LUC7L3: variants seen among roughly 807,000 people sequenced by gnomAD.
LUC7L3 encodes luc7-like protein 3.
LUC7L3 carries 6 observed loss-of-function variants against 66.8 expected under a neutral mutation model. The ratio of observed to expected loss-of-function variants is 0.09; its 90% CI spans 0.05 to 0.18. The LOEUF (loss-of-function observed/expected upper bound fraction) is 0.18, where lower values mean the gene tolerates loss of function less well. Ranked by LOEUF, LUC7L3 falls within the 10% of genes least tolerant of loss-of-function variation. The pLI is 1.00. For missense variants in LUC7L3, 341 were observed against 531.1 expected (o/e 0.64, Z 3.52); for synonymous variants, 160 against 174.7 (o/e 0.92, Z 0.66).
chr17:50,732,660 G>A (rs1969691605), intron 1 of LUC7L3, among the ~76,000 whole-genome samples: 1 of 151,774 alleles, frequency 6.6e-6, no homozygotes, highest in Non-Finnish European at 1.5e-5. Flanking sequence ...GGGATTACAG[G>A]CATAAGCCAC....
intron 5 of LUC7L3, among the ~76,000 whole-genome samples, chr17:50,742,274 G>C (rs1970396164): frequency 6.6e-6 from 1 of 152,032 alleles, no homozygotes; most frequent in Admixed American, 6.6e-5. Flanking sequence ...CTGGAACTGG[G>C]GTATAATATT....
chr17:50,721,610 T>C (rs1403918137), intron 1 of LUC7L3, among the ~76,000 whole-genome samples: 3 of 152,140 alleles, frequency 2.0e-5, no homozygotes, highest in Admixed American at 6.5e-5. Flanking sequence ...GCAGGGAAAA[T>C]GTTGGTAGTG....
intron 1 of LUC7L3, among the ~76,000 whole-genome samples, chr17:50,731,721 C>G (rs1969615955): frequency 6.6e-6 from 1 of 152,088 alleles, no homozygotes; most frequent in African/African-American, 2.4e-5. Flanking sequence ...GGAATCTAGT[C>G]TGGATTCTGT....
intron 2 of LUC7L3, among the ~76,000 whole-genome samples, chr17:50,739,944 T>G (rs1049754656): frequency 6.6e-6 from 1 of 152,194 alleles, no homozygotes; most frequent in Non-Finnish European, 1.5e-5. Context: ...TATACAGATT[T>G]GAAAATAATA....
intron 1 of LUC7L3, among the ~76,000 whole-genome samples, chr17:50,731,433 G>C (rs1969599056): frequency 6.6e-6 from 1 of 152,186 alleles, no homozygotes; most frequent in African/African-American, 2.4e-5. Context: ...CTCCCAAAGT[G>C]CTGGGATTAC....
At chr17:50,721,989 G>T (rs1332506128) in intron 1 of LUC7L3, 5 of 151,690 alleles carry the variant, frequency 3.3e-5, no homozygotes, top group Admixed American at 6.6e-5. Flanking sequence ...CGTGGCATCT[G>T]TAAGTATTTA....
chr17:50,737,320 T>G (rs1176389999), intron 2 of LUC7L3: 2 of 508,936 alleles, frequency 3.9e-6, no homozygotes, highest in African/African-American at 3.8e-5. Flanking sequence ...ATTAGAGATG[T>G]CAGCAAATTT....
chr17:50,741,497 A>C (rs1368394652), intron 4 of LUC7L3, among the ~76,000 whole-genome samples, 160 bp from the exon 5 acceptor site: 2 of 152,184 alleles, frequency 1.3e-5, no homozygotes, highest in Admixed American at 6.5e-5. Context: ...AGTAACTGAC[A>C]ATATGTGATT....
At chr17:50,730,123 G>A (rs1969490096) in intron 1 of LUC7L3, among the ~76,000 whole-genome samples, 1 of 150,840 alleles carries the variant, frequency 6.6e-6, no homozygotes, top group Non-Finnish European at 1.5e-5. Context: ...CTATAGGCCC[G>A]CACCACCCCT....
intron 1 of LUC7L3, among the ~76,000 whole-genome samples, chr17:50,725,229 G>A (rs535482112): frequency 3.5e-4 from 54 of 152,252 alleles, no homozygotes; most frequent in South Asian, 2.3e-3. Flanking sequence ...GGCCAACATG[G>A]CGAAACCCTG....
chr17:50,741,865 G>A, intron 5 of LUC7L3, 134 bp downstream of exon 5: 1 of 618,194 alleles, frequency 1.6e-6, no homozygotes, highest in South Asian at 2.2e-5. Flanking sequence ...CGGGAGGATT[G>A]CTTGAGCCGG....
At chr17:50,732,690 T>G (rs1969694133) in intron 1 of LUC7L3, among the ~76,000 whole-genome samples, 1 of 152,138 alleles carries the variant, frequency 6.6e-6, no homozygotes, top group African/African-American at 2.4e-5. Flanking sequence ...CCTATCTCCT[T>G]TTTTAATACT....
Position 50,741,141 on chromosome 17 carries a change from G to A in LUC7L3, c.246G>A (p.Glu82=), listed in dbSNP as rs35882911. The change falls in exon 4 of 10, where the codon GAG becomes GAA. Residue 82 remains glutamate, a synonymous_variant. Transcript: ENST00000505658. ...CTCGTTTCATGAAAGTTGGCTATGA[G>A]AGAGATTTTTTGCGATACTTACAGA... The part of the protein sequence containing the change: ...KSSRFMKVGY[E]RDFLRYLQSL... The A allele has an allele frequency of 0.011, 18,113 of 1,614,150 alleles. 154 individuals carry two copies. The highest frequency in any genetic ancestry group is 0.014 in the Non-Finnish European group (16,715 of 1,179,994).
At chr17:50,722,993 A>C (rs572807040) in intron 1 of LUC7L3, 2 of 152,274 alleles carry the variant, frequency 1.3e-5, no homozygotes, top group Admixed American at 1.3e-4. Flanking sequence ...AACCACAGTG[A>C]TGAGGAAAGC....
At chr17:50,727,075 C>T (rs562927076) in intron 1 of LUC7L3, among the ~76,000 whole-genome samples, 4 of 151,758 alleles carry the variant, frequency 2.6e-5, no homozygotes, top group South Asian at 4.2e-4. Flanking sequence ...GCTGACAGAG[C>T]GAGACTTTGT....
chr17:50,746,136 G>T (rs919436838), intron 8 of LUC7L3, 133 bp downstream of exon 8: 1 of 1,333,358 alleles, frequency 7.5e-7, no homozygotes, highest in Non-Finnish European at 9.7e-7. Flanking sequence ...TGGGTTGCGA[G>T]AGCGGAATCA....
chr17:50,729,934 A>ATGTATG (rs1969468343), intron 1 of LUC7L3, among the ~76,000 whole-genome samples: 1 of 31,200 alleles, frequency 3.2e-5, no homozygotes, highest in African/African-American at 1.3e-4. Flanking sequence ...ATATATATAT[A>ATGTATG]TATATATATA....
chr17:50,738,421 G>T (rs1039644036), intron 2 of LUC7L3, among the ~76,000 whole-genome samples: 2 of 152,178 alleles, frequency 1.3e-5, no homozygotes, highest in Non-Finnish European at 2.9e-5. Context: ...AGAGAAAGAA[G>T]AATTTAGTGG....
At chr17:50,722,421 C>G (rs561730416) in intron 1 of LUC7L3, 1 of 152,196 alleles carries the variant, frequency 6.6e-6, no homozygotes, top group East Asian at 1.9e-4. Context: ...TGGTCTCGAT[C>G]TATTGACCTC....
Sources: allele counts gnomAD v4.1 joint callset (sites outside exome capture counted in the v4.1 genomes callset), GRCh38; gene constraint gnomAD v4.1.1; transcripts MANE v1.5; gene names NCBI Gene and HGNC (gene_info 2026-07-23, HGNC 2026-07-21).